The following SHOX variants were observed in gnomAD, a reference collection of about 807,000 sequenced individuals.
SHOX encodes SHOX homeobox.
In SHOX, 12 loss-of-function variants were observed where a neutral mutation model predicts 29.6. The ratio of observed to expected loss-of-function variants is 0.41; its 90% CI spans 0.26 to 0.66. SHOX has a LOEUF of 0.66. Among genes scored for constraint, SHOX ranks in the 30% least tolerant of loss-of-function variants. SHOX has a pLI of 0.35. For synonymous variants in SHOX, 214 were observed against 200.6 expected (o/e 1.07, Z -0.57); for missense variants, 499 against 437.7 (o/e 1.14, Z -1.25).
At chrX:659,251 A>C (rs2053193740) in exon 6 of SHOX, 1 of 151,950 alleles carries the variant, frequency 6.6e-6, no homozygotes, top group African/African-American at 2.4e-5. Flanking sequence ...ACACCCAGCT[A>C]ATTTTTTTGA....
chrX:639,341 T>A (rs1247238601), intron 2 of SHOX, among the ~76,000 whole-genome samples: 2 of 152,118 alleles, frequency 1.3e-5, no homozygotes, highest in Non-Finnish European at 2.9e-5. Flanking sequence ...CCCTTGGTAA[T>A]ATGAATGGGA....
In SHOX at chrX:651,261, G is replaced by C. The variant is rs902991555; in HGVS notation, c.*6625G>C. On this transcript the variant is annotated 3_prime_UTR_variant, in exon 5 of 5. Coordinates refer to ENST00000686671, the MANE Select transcript of SHOX (RefSeq NM_000451.4). Reference sequence around the variant, plus strand: ...TGACGACATAGCGGCCCCCGCGTCCGGGTTACAAATACATCTACAGATATT... The same window carrying C: ...TGACGACATAGCGGCCCCCGCGTCCCGGTTACAAATACATCTACAGATATT... The C allele has an allele frequency of 2.2e-6, 1 of 454,028 alleles. No homozygotes were observed. The highest frequency in any genetic ancestry group is 2.0e-5 in the African/African-American group (1 of 49,918). The allele number at this position is 454,028 out of a possible 1,614,324, so 28.1% of individuals were successfully genotyped here.
Position 631,067 on chromosome X carries a change from A to T in SHOX, c.170A>T (p.Gln57Leu), listed in dbSNP as rs150426690. ...RELGTSDSSL[Q>L]DITEGGGHCP... is the part of the protein sequence containing the mutation. ...CTGGGGACGTCGGATTCCAGCCTCC[A>T]GGACATCACGGAGGGCGGCGGCCAC... is the stretch of plus-strand genomic sequence containing the variant. Residue 57 changes from glutamine to leucine, a missense_variant, in exon 1 of 5, where the codon CAG becomes CTG. Coordinates refer to ENST00000686671, the MANE Select transcript of SHOX (RefSeq NM_000451.4). 6.2e-7 allele frequency: 1 copy of T among 1,613,812 alleles called. No individual in the cohort carries two copies. The highest frequency in any genetic ancestry group is 1.7e-4 in the Middle Eastern group (1 of 6,056).
At chrX:632,266 T>A (rs1374863415) in intron 1 of SHOX, among the ~76,000 whole-genome samples, 1 of 151,972 alleles carries the variant, frequency 6.6e-6, no homozygotes, top group Non-Finnish European at 1.5e-5. Flanking sequence ...CCCTTCCTCC[T>A]GAGACCTCAG....
chrX:652,062 A>T (rs2053074432), downstream of SHOX, among the ~76,000 whole-genome samples: 1 of 151,980 alleles, frequency 6.6e-6, no homozygotes, highest in Non-Finnish European at 1.5e-5. Context: ...AGCTGGGATG[A>T]CAGTCACCTG....
At chrX:626,757 TCTCTCTTTCTCTC>T (rs1472451967), upstream of SHOX, among the ~76,000 whole-genome samples, 1 of 151,496 alleles carries the variant, frequency 6.6e-6, no homozygotes, top group Non-Finnish European at 1.5e-5. Flanking sequence ...TCTACCTCTG[TCTCTCTTTCTCTC>T]CTCTCTTTTT....
In SHOX at chrX:631,036, C is replaced by G; in HGVS notation, c.139C>G (p.Arg47Gly). ...EVLESGLARS[R>G]ELGTSDSSLQ... The stretch of plus-strand genomic sequence containing the variant: ...TTTGGAGAGCGGACTGGCGCGCTCC[C>G]GGGAGCTGGGGACGTCGGATTCCAG... The change falls in exon 1 of 5, where the codon CGG becomes GGG. Residue 47 changes from arginine to glycine, a missense_variant. By Grantham distance (125) the Arg-to-Gly change is moderately radical (BLOSUM62 -2). Coordinates refer to ENST00000686671, the MANE Select transcript of SHOX (RefSeq NM_000451.4). 6.2e-7 allele frequency: 1 copy of G among 1,613,798 alleles called. No homozygotes were observed. The highest frequency in any genetic ancestry group is 1.1e-5 in the South Asian group (1 of 91,070).
Position 649,874 on chromosome X carries a change from T to A in SHOX, c.*5238T>A. ...AAAAACACTTCTTCCTTTGAGTGGC[T>A]GTTCTGGTGAAATCTGTTTCTGACA... On this transcript the variant is annotated 3_prime_UTR_variant, in exon 5 of 5. Coordinates refer to ENST00000686671, the MANE Select transcript of SHOX (RefSeq NM_000451.4). 1 of 455,628 alleles carries A rather than the reference T, an allele frequency of 2.2e-6. No homozygotes were observed. Among genetic ancestry groups the A allele is most frequent in the Non-Finnish European group, 4.4e-6 (1 of 226,694 alleles). 28.2% of individuals were successfully genotyped at this position (455,628 alleles called of 1,614,324 possible).
In SHOX at chrX:630,879, G is replaced by C. The variant is rs201157428; in HGVS notation, c.-19G>C. 530 of 1,612,316 alleles carry C rather than the reference G, an allele frequency of 3.3e-4. 8 individuals carry two copies. The African/African-American group carries it at 6.4e-3, about 20-fold the overall frequency. ...GCGCATCCACCAGCCCCGGCTGCTC[G>C]CCAGCCCCGGCCCCAGCCATGGAAG... On this transcript the variant is annotated 5_prime_UTR_variant, in exon 1 of 5. Transcript: ENST00000686671.
rs1456430891 is a variant in SHOX, at chrX:651,361, T to C, written c.*6725T>C. 4.4e-6 allele frequency: 2 copies of C among 454,950 alleles called. No homozygotes were observed. Among genetic ancestry groups the C allele is most frequent in the African/African-American group, 2.0e-5 (1 of 49,686 alleles). 28.2% of individuals were successfully genotyped at this position (454,950 alleles called of 1,614,324 possible). A position where few individuals can be genotyped will look rare whatever the true frequency, so the allele number is the denominator to read the frequency against. On this transcript the variant is annotated 3_prime_UTR_variant, in exon 5 of 5. Coordinates refer to ENST00000686671, the MANE Select transcript of SHOX (RefSeq NM_000451.4). ...AACAGTCTTCACATTTCTATCCCTC[T>C]GTTATTGTCGGCAGGCGGTGAGGGG... is the stretch of plus-strand genomic sequence containing the variant.
At chrX:632,230 C>A (rs2052663919) in intron 1 of SHOX, among the ~76,000 whole-genome samples, 1 of 151,958 alleles carries the variant, frequency 6.6e-6, no homozygotes, top group Admixed American at 6.5e-5. Flanking sequence ...GCCGGTTGTG[C>A]GCGGCCCGGG....
rs771765853 is a variant in SHOX at position 630,826 on chromosome X, G to A, written c.-72G>A. 6.3e-6 allele frequency: 10 copies of A among 1,577,308 alleles called. No individual in the cohort carries two copies. The highest frequency in any genetic ancestry group is 3.3e-5 in the South Asian group (3 of 90,124). ...GCGCTGGTGATCCACCCGCGCGCAC[G>A]GGCCGTCCTCTCCGCGCGGGGAGAC... On this transcript the variant is annotated 5_prime_UTR_variant, in exon 1 of 5. Transcript: ENST00000686671.
chrX:637,348 C>G (rs1462674429), intron 2 of SHOX, among the ~76,000 whole-genome samples: 2 of 151,854 alleles, frequency 1.3e-5, no homozygotes, highest in Non-Finnish European at 2.9e-5. Context: ...TATATCCCAG[C>G]CCTTGATGTA....
At chrX:635,787 T>C (rs1314641469) in intron 2 of SHOX, among the ~76,000 whole-genome samples, 2 of 151,940 alleles carry the variant, frequency 1.3e-5, no homozygotes. Flanking sequence ...GCCTGACAGT[T>C]CAGCTCCCCT....
chrX:644,732 C>A lies in SHOX; in HGVS notation c.*96C>A. On this transcript the variant is annotated 3_prime_UTR_variant, in exon 5 of 5. Coordinates refer to ENST00000686671, the MANE Select transcript of SHOX (RefSeq NM_000451.4). ...ACTCAACCCCGCCTGGAGCTCCTTC[C>A]GCGGCCACCGTGCTCCGGGCACCCC... is the stretch of plus-strand genomic sequence containing the variant. 1.5e-6 allele frequency: 2 copies of A among 1,329,160 alleles called. No individual in the cohort carries two copies. The highest frequency in any genetic ancestry group is 1.9e-6 in the Non-Finnish European group (2 of 1,042,902). 82.3% of individuals were successfully genotyped at this position (1,329,160 alleles called of 1,614,324 possible).
At chrX:634,416 A>T (rs1038935832) in intron 1 of SHOX, among the ~76,000 whole-genome samples, 3 of 152,192 alleles carry the variant, frequency 2.0e-5, no homozygotes, top group Non-Finnish European at 4.4e-5. Context: ...GGCCAAGAAA[A>T]CAACGCTCGT....
In SHOX at chrX:648,823, G is replaced by A. The variant is rs2053001775; in HGVS notation, c.*4187G>A. Among the ~76,000 whole-genome samples, 1 of 152,076 alleles carries A rather than the reference G, an allele frequency of 6.6e-6. No individual in the cohort carries two copies. The highest frequency in any genetic ancestry group is 1.5e-5 in the Non-Finnish European group (1 of 68,018). ...TTCTCCCTGAAACTCTCGGATGGAAGGAAGTAAGAAATTCAGCTTGGGCTG... is the reference window on the plus strand; with the variant it reads ...TTCTCCCTGAAACTCTCGGATGGAAAGAAGTAAGAAATTCAGCTTGGGCTG... On this transcript the variant is annotated 3_prime_UTR_variant, in exon 5 of 5. Transcript: ENST00000686671.
Position 649,443 on chromosome X carries a change from T to C in SHOX, c.*4807T>C, listed in dbSNP as rs2053020399. Among the ~76,000 whole-genome samples, 2 of 152,126 alleles carry C rather than the reference T, an allele frequency of 1.3e-5. No homozygotes were observed. The highest frequency in any genetic ancestry group is 4.1e-4 in the South Asian group (2 of 4,824). On this transcript the variant is annotated 3_prime_UTR_variant, in exon 5 of 5. Coordinates refer to ENST00000686671, the MANE Select transcript of SHOX (RefSeq NM_000451.4). ...CCCGGAAGGCCCTCCAGAGACACGT[T>C]TGCGTGAACATTCAGCATGGAAACA...
At chrX:629,749 C>T (rs1005813973), upstream of SHOX, among the ~76,000 whole-genome samples, 30 of 152,140 alleles carry the variant, frequency 2.0e-4, no homozygotes, top group Non-Finnish European at 4.1e-4. Context: ...CTCCGGGCCT[C>T]CTGGTGCCCC....
Sources: gnomAD v4.1 joint callset for allele counts (sites outside exome capture counted in the v4.1 genomes callset) on GRCh38, gnomAD v4.1.1 for gene constraint, MANE v1.5 for transcripts, NCBI Gene and HGNC (gene_info 2026-07-23, HGNC 2026-07-21) for gene names.